Variants in DST observed in about 807,000 individuals in gnomAD.
DST encodes bullous pemphigoid antigen.
DST carries 253 observed loss-of-function variants against 875.2 expected under a neutral mutation model. That is an observed-to-expected ratio of 0.29 (90% CI 0.26 to 0.32). The LOEUF (loss-of-function observed/expected upper bound fraction) is 0.32, where lower values mean the gene tolerates loss of function less well. Among genes scored for constraint, DST ranks in the 10% least tolerant of loss-of-function variants. DST has a pLI of 1.00. For synonymous variants in DST, 3,124 were observed against 3,197.1 expected (o/e 0.98, Z 0.77); for missense variants, 8,287 against 9,111.6 (o/e 0.91, Z 3.68).
At position 56,572,732 on chromosome 6, in the gene DST, G is replaced by A; in HGVS notation, c.13554+15C>T. 4 of 1,538,238 alleles carry A rather than the reference G, an allele frequency of 2.6e-6. No homozygotes were observed. The highest frequency in any genetic ancestry group is 3.5e-6 in the Non-Finnish European group (4 of 1,143,078). On this transcript the variant is annotated intron_variant, in intron 52 of 103. Coordinates refer to ENST00000680361, the MANE Select transcript of DST (RefSeq NM_001374736.1). ...ATCTATCTGATTAGCCTCCTGAGTA[G>A]TAAGGGAGGCATACCTGCATATACT...
intron 4 of DST, among the ~76,000 whole-genome samples, chr6:56,801,646 T>C (rs2099747076): frequency 6.6e-6 from 1 of 152,134 alleles, no homozygotes; most frequent in East Asian, 1.9e-4. Flanking sequence ...ACATATAATG[T>C]TTGAGAAGCC....
rs1483356955 is a variant in DST, at chr6:56,459,176, G to C, written c.23286C>G (p.Asp7762Glu). 2 of 1,613,882 alleles carry C rather than the reference G, an allele frequency of 1.2e-6. No homozygotes were observed. Among genetic ancestry groups the C allele is most frequent in the African/African-American group, 2.7e-5 (2 of 74,910 alleles). The part of the protein sequence containing the change: ...ASSRRGSDAS[D>E]FDISEIQSVC... ...CGGACTGGATTTCTGAAATGTCAAA[G>C]TCTGATGCATCACTGCCTCGGCGGC... The change falls in exon 104 of 104, where the codon GAC (aspartate) becomes GAG (glutamate). Residue 7762 changes from aspartate to glutamate, a missense_variant. Asp to Glu is a conservative substitution (Grantham distance 45). Around this residue, in one of 10 missense-constraint regions of DST, gnomAD observed 240 missense variants for 237.3 expected, o/e 1.01. Transcript: ENST00000680361.
intron 90 of DST, among the ~76,000 whole-genome samples, chr6:56,479,539 A>G (rs1400995657): frequency 1.3e-5 from 2 of 152,088 alleles, no homozygotes; most frequent in African/African-American, 4.8e-5. Flanking sequence ...GTCCATCAAC[A>G]GTTGATTGGA....
At chr6:56,817,466 G>A (rs1206140996) in intron 4 of DST, among the ~76,000 whole-genome samples, 2 of 152,032 alleles carry the variant, frequency 1.3e-5, no homozygotes, top group African/African-American at 2.4e-5. Flanking sequence ...ACTTTTGATG[G>A]GATACTGTGG....
intron 29 of DST, 129 bp downstream of exon 29, chr6:56,631,754 A>C: frequency 1.2e-6 from 1 of 833,550 alleles, no homozygotes; most frequent in Non-Finnish European, 2.0e-6. Context: ...TAATTACACA[A>C]TCAGACCTCA....
intron 2 of DST, among the ~76,000 whole-genome samples, chr6:56,944,243 T>C (rs1818258407): frequency 1.3e-5 from 2 of 152,330 alleles, no homozygotes; most frequent in South Asian, 4.1e-4. Context: ...AACTGACTTG[T>C]AGAAAACTTC....
At chr6:56,806,790 A>G (rs2099753471) in intron 4 of DST, among the ~76,000 whole-genome samples, 1 of 152,200 alleles carries the variant, frequency 6.6e-6, no homozygotes, top group Non-Finnish European at 1.5e-5. Flanking sequence ...ACATACATCA[A>G]TTCACTTAAC....
intron 91 of DST, among the ~76,000 whole-genome samples, chr6:56,476,683 G>A (rs9349825): frequency 0.23 from 34,507 of 152,158 alleles, 4,619 homozygotes; most frequent in Middle Eastern, 0.4. Context: ...CTGGCAGGGC[G>A]TGGTGGCTCA....
intron 61 of DST, among the ~76,000 whole-genome samples, chr6:56,547,201 C>G (rs1250594587): frequency 6.6e-6 from 1 of 152,072 alleles, no homozygotes; most frequent in Non-Finnish European, 1.5e-5. Context: ...ACCTGTTATG[C>G]CTAGTTTGTG....
intron 87 of DST, among the ~76,000 whole-genome samples, chr6:56,486,179 C>T (rs1015291042): frequency 4.6e-5 from 7 of 151,552 alleles, no homozygotes; most frequent in African/African-American, 1.2e-4. Flanking sequence ...CCGGCTAAAA[C>T]GGTGAAACCC....
Position 56,568,924 on chromosome 6 carries a change from G to C in DST, c.13879-329C>G, listed in dbSNP as rs9475723. Among the ~76,000 whole-genome samples the C allele has an allele frequency of 0.45, 68,066 of 152,022 alleles. 15,890 individuals carry two copies. The highest frequency in any genetic ancestry group is 0.57 in the African/African-American group (23,519 of 41,458). ...AAGTCTGTAAAACTGTACTAGGTAAGAGACCAGTCACAAATAAAAGGTACT... is the reference window on the plus strand; with the variant it reads ...AAGTCTGTAAAACTGTACTAGGTAACAGACCAGTCACAAATAAAAGGTACT... On this transcript the variant is annotated intron_variant, in intron 54 of 103. Transcript: ENST00000680361.
At chr6:56,780,021 C>A (rs1334959427) in intron 4 of DST, among the ~76,000 whole-genome samples, 2 of 151,160 alleles carry the variant, frequency 1.3e-5, no homozygotes, top group Admixed American at 1.3e-4. Flanking sequence ...TGATGATTTC[C>A]AATTTCATCC....
chr6:56,537,047 CAG>C, intron 61 of DST, 107 bp from the exon 62 acceptor site: 1 of 964,720 alleles, frequency 1.0e-6, no homozygotes, highest in Admixed American at 2.4e-5. Flanking sequence ...TCAATTATTA[CAG>C]AGGTAAAGAT....
At chr6:56,641,247 C>T (rs769779332) in intron 17 of DST, among the ~76,000 whole-genome samples, 6 of 151,734 alleles carry the variant, frequency 4.0e-5, no homozygotes, top group Admixed American at 1.3e-4. Context: ...TTGTTATGAA[C>T]ATTTTCATAA....
rs770789852 is a variant in DST, at chr6:56,492,368, G to A, written c.20616C>T (p.His6872=). ...CTTGTTTCTGACTAAAATATTTTAG[G>A]TGGGTTCCAGTTTTGTCCAGCTCTA... ...QIIELDKTGT[H]LKYFSQKQDV... is the part of the protein sequence containing the mutation. The change falls in exon 85 of 104, where the codon CAC becomes CAT. Residue 6872 remains histidine (H), a synonymous_variant. Transcript: ENST00000680361. The A allele has an allele frequency of 1.2e-6, 2 of 1,613,742 alleles. No homozygotes were observed.
intron 4 of DST, among the ~76,000 whole-genome samples, chr6:56,775,278 C>A (rs1054793188): frequency 6.6e-6 from 1 of 152,112 alleles, no homozygotes; most frequent in South Asian, 2.1e-4. Flanking sequence ...TCCGTTAAAC[C>A]CAAGCACACC....
chr6:56,530,275 A>T, intron 64 of DST, 142 bp from the exon 65 acceptor site: 2 of 596,652 alleles, frequency 3.4e-6, no homozygotes, highest in African/African-American at 1.9e-5. Context: ...CTTAACATTT[A>T]AAGAACATAT....
Position 56,634,114 on chromosome 6 carries a change from A to C in DST, c.3621+18T>G. Reference sequence around the variant, plus strand: ...ACATTTTTGGACATATCGAGTTGACATACAGATTCATACTTACTGAAGCCA... The same window carrying C: ...ACATTTTTGGACATATCGAGTTGACCTACAGATTCATACTTACTGAAGCCA... On this transcript the variant is annotated intron_variant, in intron 27 of 103. Transcript: ENST00000680361. The C allele has an allele frequency of 6.2e-7, 1 of 1,612,588 alleles. No individual in the cohort carries two copies. Among genetic ancestry groups the C allele is most frequent in the Non-Finnish European group, 8.5e-7 (1 of 1,179,962 alleles).
rs547061328 is a variant in DST at position 56,756,528 on chromosome 6, A to C, written c.626-21239T>G. Among the ~76,000 whole-genome samples the C allele has an allele frequency of 3.9e-5, 6 of 152,306 alleles. No homozygotes were observed. In the East Asian group the frequency reaches 1.2e-3, roughly 29 times the overall value. ...AAGGGGTACAAATCACCCAGGAAGC[A>C]GGGGTCCTAAAAGCCAGGATAAAGA... On this transcript the variant is annotated intron_variant, in intron 4 of 103. Transcript: ENST00000680361.
Sources: gnomAD v4.1 joint callset for allele counts (sites outside exome capture counted in the v4.1 genomes callset) on GRCh38, gnomAD v4.1.1 for gene constraint, gnomAD v4.1.1 regional missense constraint, MANE v1.5 for transcripts, NCBI Gene and HGNC (gene_info 2026-07-23, HGNC 2026-07-21) for gene names.